The following SEZ6 variants were observed in gnomAD, a reference collection of about 807,000 sequenced individuals.
The protein encoded by SEZ6 is seizure related 6 homolog.
Under a neutral mutation model 101.0 loss-of-function variants are expected in SEZ6, and 53 were observed. That is an observed-to-expected ratio of 0.52 (90% CI 0.42 to 0.66). The LOEUF (loss-of-function observed/expected upper bound fraction) is 0.66, where lower values mean the gene tolerates loss of function less well. SEZ6 is among the 30% of genes least tolerant of loss of function. The pLI, the probability that SEZ6 is intolerant of heterozygous loss-of-function variation, is 0.00. For missense variants in SEZ6, 1,102 were observed against 1,289.4 expected, an observed-to-expected ratio of 0.85 and a Z score of 2.23; for synonymous variants, 488 against 512.2, an observed-to-expected ratio of 0.95 and a Z score of 0.64.
chr17:28,970,054 C>G, intron 3 of SEZ6, 102 bp from the exon 4 acceptor site: 1 of 1,071,822 alleles, frequency 9.3e-7, no homozygotes, highest in Non-Finnish European at 1.3e-6. Flanking sequence ...CAGATCAATC[C>G]TCAATGCTAC....
chr17:28,976,552 G>A (rs1395685762), intron 3 of SEZ6, among the ~76,000 whole-genome samples: 1 of 152,146 alleles, frequency 6.6e-6, no homozygotes, highest in Non-Finnish European at 1.5e-5. Context: ...GAAGCCACAG[G>A]CAGTCCCTTC....
At position 28,970,037 on chromosome 17, in the gene SEZ6, C is replaced by T. The variant is rs569058873; in HGVS notation, c.859-85G>A. 3.0e-5 allele frequency: 39 copies of T among 1,291,104 alleles called. No homozygotes were observed. In the Admixed American group the frequency reaches 4.6e-4, roughly 15 times the overall value. The allele number at this position is 1,291,104 out of a possible 1,614,324, so 80.0% of individuals were successfully genotyped here. On this transcript the variant is annotated intron_variant, in intron 3 of 16. Transcript: ENST00000317338. The stretch of plus-strand genomic sequence containing the variant: ...CCTGCCGCCCTCAGGATCCTGCAGG[C>T]CCCGGGCAGATCAATCCTCAATGCT...
intron 1 of SEZ6, among the ~76,000 whole-genome samples, chr17:28,996,885 G>A (rs1216561509): frequency 4.6e-5 from 7 of 152,182 alleles, no homozygotes; most frequent in African/African-American, 1.7e-4. Flanking sequence ...GACACCTTGA[G>A]TTGACAGGGC....
At chr17:28,990,918 T>A (rs879572902) in intron 1 of SEZ6, among the ~76,000 whole-genome samples, 29 of 152,134 alleles carry the variant, frequency 1.9e-4, no homozygotes, top group Non-Finnish European at 3.4e-4. Flanking sequence ...TTAAAAAAAA[T>A]TTTTTTTGAG....
At position 28,964,195 on chromosome 17, in the gene SEZ6, C is replaced by T. The variant is rs372427891; in HGVS notation, c.1055-48G>A. The T allele has an allele frequency of 4.1e-5, 31 of 761,896 alleles. 1 individual carries two copies. The highest frequency in any genetic ancestry group is 9.3e-5 in the African/African-American group (5 of 53,608). The allele number at this position is 761,896 out of a possible 1,614,324, so 47.2% of individuals were successfully genotyped here. A position where few individuals can be genotyped will look rare whatever the true frequency, so the allele number is the denominator to read the frequency against. ...ACTGTGTATGTGTGCAGGGTGGGGG[C>T]GGGAGCTGGGCCATTGGTTGGGGGA... On this transcript the variant is annotated intron_variant, in intron 4 of 16. Coordinates refer to ENST00000317338, the MANE Select transcript of SEZ6 (RefSeq NM_178860.5).
rs757337283 is a variant in SEZ6, at chr17:28,981,531, A to C, written c.564T>G (p.Pro188=). The C allele has an allele frequency of 1.9e-6, 3 of 1,612,058 alleles. No individual in the cohort carries two copies. The highest frequency in any genetic ancestry group is 2.5e-6 in the Non-Finnish European group (3 of 1,179,138). Residue 188 remains proline (P), a synonymous_variant, in exon 2 of 17, where the codon CCT becomes CCG. Coordinates refer to ENST00000317338, the MANE Select transcript of SEZ6 (RefSeq NM_178860.5). ...CAACCCACGGCCTTCCCATGTCTCC[A>C]GGACCCTCTTGGGTTGGTGTCCAGG... ...SRAWTPTQEG[P]GDMGRPWVAE... is the part of the protein sequence containing the mutation.
intron 2 of SEZ6, among the ~76,000 whole-genome samples, chr17:28,980,462 C>T (rs137872026): frequency 0.034 from 5,182 of 151,784 alleles, 141 homozygotes; most frequent in East Asian, 0.14. Flanking sequence ...CTCTGACTCC[C>T]GGGTTCACGC....
At position 29,005,178 on chromosome 17, in the gene SEZ6, C is replaced by G. The variant is rs1295339313; in HGVS notation, c.55+637G>C. Among the ~76,000 whole-genome samples, 4 of 151,788 alleles carry G rather than the reference C, an allele frequency of 2.6e-5. No individual in the cohort carries two copies. The highest frequency in any genetic ancestry group is 3.9e-4 in the East Asian group (2 of 5,152). ...ATCCCAGGATCTCCGCTGCTGCAGC[C>G]GAGGGCAGAGCCAGGAGCCAGATAG... On this transcript the variant is annotated intron_variant, in intron 1 of 16. Coordinates refer to ENST00000317338, the MANE Select transcript of SEZ6 (RefSeq NM_178860.5). The surrounding 1 kb of genome is among the most constrained non-coding windows in gnomAD (Gnocchi z 4.8).
chr17:28,978,316 G>A (rs560966827), intron 3 of SEZ6, among the ~76,000 whole-genome samples: 39 of 152,326 alleles, frequency 2.6e-4, no homozygotes, highest in African/African-American at 8.4e-4. Context: ...CCCTTTGTCC[G>A]ATCATTCAGT....
rs2040868253 is a variant in SEZ6, at chr17:28,955,737, A to G, written c.*225T>C. 2.9e-6 allele frequency: 2 copies of G among 691,326 alleles called. No homozygotes were observed. Among genetic ancestry groups the G allele is most frequent in the Admixed American group, 4.0e-5 (2 of 49,460 alleles). 42.8% of individuals were successfully genotyped at this position (691,326 alleles called of 1,614,324 possible). A position where few individuals can be genotyped will look rare whatever the true frequency, so the allele number is the denominator to read the frequency against. ...TTCCCACAGGTAGATGCCCCCTGAC[A>G]TGGGCCCAATGAAGGGCCCCAAGTG... On this transcript the variant is annotated 3_prime_UTR_variant, in exon 17 of 17. Coordinates refer to ENST00000317338, the MANE Select transcript of SEZ6 (RefSeq NM_178860.5).
At chr17:29,006,090 C>A, upstream of SEZ6, 1 of 324,732 alleles carries the variant, frequency 3.1e-6, no homozygotes, top group East Asian at 5.1e-5. Context: ...GGCGGGGGCG[C>A]GGGAGGAGCG....
chr17:28,961,091 C>G, intron 5 of SEZ6, 118 bp from the exon 6 acceptor site: 3 of 1,298,490 alleles, frequency 2.3e-6, no homozygotes, highest in Non-Finnish European at 3.2e-6. Flanking sequence ...GACCTTGCCT[C>G]CCTGCCATCT....
At position 28,979,763 on chromosome 17, in the gene SEZ6, T is replaced by C; in HGVS notation, c.775A>G (p.Thr259Ala). ...ACATCAGTGGGGGAGCTGAGGTCTG[T>C]AGGGGAGTCCAGAGAGCCCTCTGGG... Reference protein sequence around the residue: ...SGPEGSLDSPTDLSSPTDVGL... With the variant: ...SGPEGSLDSPADLSSPTDVGL... The change falls in exon 3 of 17, where the codon ACA (threonine) becomes GCA (alanine). Residue 259 changes from threonine to alanine, a missense_variant. This residue lies in a region of SEZ6 where 406 missense variants were observed against 418.6 expected (regional missense o/e 0.97). Coordinates refer to ENST00000317338, the MANE Select transcript of SEZ6 (RefSeq NM_178860.5). The C allele has an allele frequency of 1.7e-5, 28 of 1,613,396 alleles. No homozygotes were observed. The highest frequency in any genetic ancestry group is 2.3e-5 in the Non-Finnish European group (27 of 1,179,666).
At chr17:28,982,192 A>C (rs1435348959) in intron 1 of SEZ6, among the ~76,000 whole-genome samples, 153 bp from the exon 2 acceptor site, 1 of 152,162 alleles carries the variant, frequency 6.6e-6, no homozygotes, top group Admixed American at 6.5e-5. Context: ...GAATTTGTGA[A>C]CTGGAAGTGA....
rs1467923719 is a variant in SEZ6 at position 28,957,398 on chromosome 17, T to G, written c.2444A>C (p.Asp815Ala). ...CCACTTGGGGCTGCCAGCCTGGCGA[T>G]CATGGCAGGTGAGGATGGAGCTGCC... ...LMGSSILTCH[D>A]RQAGSPKWSD... is the part of the protein sequence containing the mutation. Residue 815 changes from aspartate to alanine, a missense_variant, in exon 12 of 17, where the codon GAT becomes GCT. Asp to Ala is a moderately radical substitution (Grantham distance 126). Around this residue, in one of 3 missense-constraint regions of SEZ6, gnomAD observed 556 missense variants for 735.1 expected, o/e 0.76. Coordinates refer to ENST00000317338, the MANE Select transcript of SEZ6 (RefSeq NM_178860.5). 1 of 1,613,740 alleles carries G rather than the reference T, an allele frequency of 6.2e-7. No homozygotes were observed. Among genetic ancestry groups the G allele is most frequent in the African/African-American group, 1.3e-5 (1 of 75,030 alleles).
intron 5 of SEZ6, among the ~76,000 whole-genome samples, chr17:28,961,946 A>G (rs950938220): frequency 3.9e-5 from 6 of 152,232 alleles, no homozygotes; most frequent in Non-Finnish European, 8.8e-5. Context: ...TCTTCTCTGC[A>G]GAAAGGACAG....
chr17:28,981,244 C>T, intron 2 of SEZ6, 127 bp downstream of exon 2: 2 of 1,431,690 alleles, frequency 1.4e-6, no homozygotes, highest in African/African-American at 1.4e-5. Context: ...ATCTACATGC[C>T]TCCTGCAGGC....
intron 12 of SEZ6, 25 bp from the exon 13 acceptor site, chr17:28,957,267 A>G: frequency 6.2e-7 from 1 of 1,613,708 alleles, no homozygotes; most frequent in East Asian, 2.2e-5. Flanking sequence ...GAGTGCAGTG[A>G]GGGTGTCATG....
chr17:28,978,176 A>G (rs1403706199), intron 3 of SEZ6, among the ~76,000 whole-genome samples: 6 of 152,198 alleles, frequency 3.9e-5, no homozygotes, highest in Non-Finnish European at 7.3e-5. Context: ...GAAGGCAGGG[A>G]GCAGGGAGCA....
Sources: allele counts gnomAD v4.1 joint callset (sites outside exome capture counted in the v4.1 genomes callset), GRCh38; gene constraint gnomAD v4.1.1; regional missense constraint gnomAD v4.1.1; non-coding constraint Gnocchi (gnomAD v3.1); transcripts MANE v1.5; gene names NCBI Gene and HGNC (gene_info 2026-07-23, HGNC 2026-07-21).